TLK1: variants seen among roughly 807,000 people sequenced by gnomAD.
TLK1 encodes serine/threonine-protein kinase tousled-like 1.
A neutral mutation model predicts 105.3 loss-of-function variants in TLK1; 24 were observed. That is an observed-to-expected ratio of 0.23 (90% CI 0.17 to 0.32). TLK1 has a LOEUF of 0.32. TLK1 is among the 10% of genes least tolerant of loss of function. The pLI, the probability that TLK1 is intolerant of heterozygous loss-of-function variation, is 1.00. For synonymous variants in TLK1, 321 were observed against 310.4 expected (o/e 1.03, Z -0.36); for missense variants, 558 against 910.5 (o/e 0.61, Z 4.98).
chr2:171,225,076 A>G (rs2105332761), intron 1 of TLK1, among the ~76,000 whole-genome samples: 1 of 152,264 alleles, frequency 6.6e-6, no homozygotes, highest in South Asian at 2.1e-4. Context: ...TGAATCAAAT[A>G]TCTCAAGGCA....
intron 1 of TLK1, among the ~76,000 whole-genome samples, chr2:171,225,911 T>C (rs1693888772): frequency 6.6e-6 from 1 of 152,230 alleles, no homozygotes; most frequent in African/African-American, 2.4e-5. Flanking sequence ...GGTGTGCTTA[T>C]TGTCATGGGC....
intron 11 of TLK1, among the ~76,000 whole-genome samples, chr2:171,040,577 T>G (rs939585329): frequency 3.3e-4 from 49 of 148,600 alleles, no homozygotes; most frequent in African/African-American, 4.2e-4. Flanking sequence ...TGTTTTTTTT[T>G]TTTTTTTTTT....
In TLK1 at chr2:170,992,245, G is replaced by A. The variant is rs987711556; in HGVS notation, c.*1535C>T. 3 of 152,200 alleles carry A rather than the reference G, an allele frequency of 2.0e-5. No homozygotes were observed. Among genetic ancestry groups the A allele is most frequent in the East Asian group, 1.9e-4 (1 of 5,184 alleles). The allele number at this position is 152,200 out of a possible 1,614,324, so 9.4% of individuals were successfully genotyped here. On this transcript the variant is annotated 3_prime_UTR_variant, in exon 21 of 21. Transcript: ENST00000431350. ...CAGCAGCATTTTAAAGAGACAATGT[G>A]TCTATGTACAATGAAAAAACAAAAT...
chr2:171,123,053 T>C (rs965161077), intron 1 of TLK1, among the ~76,000 whole-genome samples: 2 of 91,432 alleles, frequency 2.2e-5, no homozygotes, highest in Non-Finnish European at 4.0e-5. Flanking sequence ...AATAAATAAA[T>C]AAATACACAC....
At chr2:171,082,193 A>G (rs1401066864) in intron 3 of TLK1, among the ~76,000 whole-genome samples, 1 of 152,146 alleles carries the variant, frequency 6.6e-6, no homozygotes, top group Non-Finnish European at 1.5e-5. Flanking sequence ...CAAGTATATC[A>G]TGCTCAGGGT....
At chr2:171,048,492 T>C (rs2105426584) in intron 10 of TLK1, among the ~76,000 whole-genome samples, 1 of 152,324 alleles carries the variant, frequency 6.6e-6, no homozygotes, top group South Asian at 2.1e-4. Context: ...CCATCTTAAC[T>C]ACCAATAACA....
rs111867804 is a variant in TLK1, at chr2:171,086,487, G to A, written c.259-3635C>T. ...CTAAAAATACAAAAAACAGCCAGGC[G>A]TCATGGCGCATGCCTGTAATCCCAG... On this transcript the variant is annotated intron_variant, in intron 2 of 20. Coordinates refer to ENST00000431350, the MANE Select transcript of TLK1 (RefSeq NM_012290.5). Among the ~76,000 whole-genome samples, 508 of 152,176 alleles carry A rather than the reference G, an allele frequency of 3.3e-3. 4 individuals carry two copies. The highest frequency in any genetic ancestry group is 3.6e-3 in the Non-Finnish European group (248 of 68,006).
intron 1 of TLK1, among the ~76,000 whole-genome samples, chr2:171,128,337 A>C (rs1393732323): frequency 2.0e-5 from 3 of 152,152 alleles, no homozygotes; most frequent in African/African-American, 7.2e-5. Context: ...AAGTTGTGTA[A>C]AGTTTGGTCA....
chr2:170,993,033 A>G lies in TLK1; in HGVS notation c.*747T>C, dbSNP rs1324932192. The stretch of plus-strand genomic sequence containing the variant: ...CCTGTTATCAATTCTAACGTGTTGA[A>G]AACACTGGCAATATTATAATTTAGT... On this transcript the variant is annotated 3_prime_UTR_variant, in exon 21 of 21. Coordinates refer to ENST00000431350, the MANE Select transcript of TLK1 (RefSeq NM_012290.5). The G allele has an allele frequency of 6.6e-6, 1 of 152,660 alleles. No individual in the cohort carries two copies. The highest frequency in any genetic ancestry group is 1.5e-5 in the Non-Finnish European group (1 of 68,040). The allele number at this position is 152,660 out of a possible 1,614,324, so 9.5% of individuals were successfully genotyped here. A position where few individuals can be genotyped will look rare whatever the true frequency, so the allele number is the denominator to read the frequency against.
chr2:171,161,715 A>G (rs1222811673), upstream of TLK1, among the ~76,000 whole-genome samples: 1 of 152,222 alleles, frequency 6.6e-6, no homozygotes, highest in East Asian at 1.9e-4. Context: ...CTAGAAACTT[A>G]TAATTTGTTT....
rs369215587 is a variant in TLK1, at chr2:171,160,070, C to A, written c.139+220G>T. ...GCCCCGTCCCCACCAGCGCGCACCC[C>A]CTCGTCCGTCTCCTCCGCCACCCGC... On this transcript the variant is annotated intron_variant, in intron 1 of 20. Transcript: ENST00000431350. This position sits in a 1 kb window ranked among gnomAD's most constrained non-coding sequence, Gnocchi z 4.4. Among the ~76,000 whole-genome samples the A allele has an allele frequency of 6.6e-6, 1 of 152,186 alleles. No homozygotes were observed. Among genetic ancestry groups the A allele is most frequent in the African/African-American group, 2.4e-5 (1 of 41,454 alleles).
intron 12 of TLK1, among the ~76,000 whole-genome samples, chr2:171,019,038 G>A (rs2105378835): frequency 6.6e-6 from 1 of 152,046 alleles, no homozygotes; most frequent in Admixed American, 6.5e-5. Context: ...AGCCAAGTCA[G>A]ACAGGTATAC....
chr2:171,053,781 G>T lies in TLK1; in HGVS notation c.712C>A (p.Arg238Ser). 1 of 1,607,930 alleles carries T rather than the reference G, an allele frequency of 6.2e-7. No homozygotes were observed. ...KIQDLEKKEG[R>S]IDDLLRANCD... Reference sequence around the variant, plus strand: ...CTTACCCTGAGCAAATCATCTATACGTCCCTCCTTCTTTTCCAGGTCCTGG... The same window carrying T: ...CTTACCCTGAGCAAATCATCTATACTTCCCTCCTTCTTTTCCAGGTCCTGG... Residue 238 changes from arginine to serine, a missense_variant, in exon 8 of 21, where the codon CGT (arginine) becomes AGT (serine). By Grantham distance (110) the Arg-to-Ser change is moderately radical (BLOSUM62 -1). Transcript: ENST00000431350.
intron 13 of TLK1, among the ~76,000 whole-genome samples, chr2:171,013,159 CCCA>C (rs1685003693): frequency 6.6e-6 from 1 of 151,226 alleles, no homozygotes; most frequent in Non-Finnish European, 1.5e-5. Context: ...ATTACAGGCG[CCCA>C]CCACAACGCT....
chr2:171,109,137 C>T lies in TLK1; in HGVS notation c.258+8602G>A, dbSNP rs191222517. 2.6e-5 allele frequency among the ~76,000 whole-genome samples: 4 copies of T among 152,214 alleles called. No homozygotes were observed. The East Asian group carries it at 5.8e-4, about 22-fold the overall frequency. On this transcript the variant is annotated intron_variant, in intron 2 of 20. Transcript: ENST00000431350. ...AATACATCTCTCTCAGAAAAAGATA[C>T]GCCAAGTTGACAATGCAAGGAGATA... is the stretch of plus-strand genomic sequence containing the variant.
chr2:171,071,395 C>T (rs914384194), intron 3 of TLK1, among the ~76,000 whole-genome samples: 1 of 152,060 alleles, frequency 6.6e-6, no homozygotes, highest in Non-Finnish European at 1.5e-5. Context: ...TCACGCCATT[C>T]TCCCGCCTCA....
At chr2:171,016,921 A>T (rs2105376312) in intron 12 of TLK1, among the ~76,000 whole-genome samples, 1 of 152,346 alleles carries the variant, frequency 6.6e-6, no homozygotes, top group Non-Finnish European at 1.5e-5. Flanking sequence ...TCAAATGAAG[A>T]TAAATCTTTC....
At chr2:171,030,926 C>T (rs970679144) in intron 11 of TLK1, among the ~76,000 whole-genome samples, 11 of 151,710 alleles carry the variant, frequency 7.3e-5, no homozygotes, top group African/African-American at 2.7e-4. Context: ...CATGGCTAGA[C>T]TCTGTGCAAT....
intron 18 of TLK1, 66 bp from the exon 19 acceptor site, chr2:170,997,889 G>T: frequency 1.0e-6 from 1 of 985,316 alleles, no homozygotes; most frequent in Non-Finnish European, 1.5e-6. Context: ...TCTTCTAAGT[G>T]TAAAATCTTA....
Sources: gnomAD v4.1 joint callset for allele counts (sites outside exome capture counted in the v4.1 genomes callset) on GRCh38, gnomAD v4.1.1 for gene constraint, Gnocchi (gnomAD v3.1) non-coding constraint, MANE v1.5 for transcripts, NCBI Gene and HGNC (gene_info 2026-07-23, HGNC 2026-07-21) for gene names.